TTC38: variants seen among roughly 807,000 people sequenced by gnomAD.
The protein encoded by TTC38 is tetratricopeptide repeat domain 38, also known as tetratricopeptide repeat protein 38.
In TTC38, 64 loss-of-function variants were observed where a neutral mutation model predicts 64.2. The observed-to-expected ratio is 1.00, with a 90% CI of 0.81 to 1.23. The LOEUF (loss-of-function observed/expected upper bound fraction) is 1.23, where lower values mean the gene tolerates loss of function less well. TTC38 is among the 50% of genes most tolerant of loss of function. The pLI, the probability that TTC38 is intolerant of heterozygous loss-of-function variation, is 0.00. For synonymous variants in TTC38, 254 were observed against 249.3 expected, an observed-to-expected ratio of 1.02 and a Z score of -0.18; for missense variants, 573 against 615.5, an observed-to-expected ratio of 0.93 and a Z score of 0.73.
chr22:46,268,588 C>G lies in TTC38; in HGVS notation c.108C>G (p.Thr36=), dbSNP rs1936816476. The G allele has an allele frequency of 6.2e-7, 1 of 1,613,792 alleles. No homozygotes were observed. The highest frequency in any genetic ancestry group is 1.3e-5 in the African/African-American group (1 of 74,946). ...GCAAGCTGTTCGATGCCACGCTGAC[C>G]CAGGTATGCCTGCCGAGAGAGGCCG... ...EACKLFDATL[T]QYVKWTNDKS... The change falls in exon 2 of 14, where the codon ACC becomes ACG. Residue 36 remains threonine (T), a synonymous_variant. Coordinates refer to ENST00000381031, the MANE Select transcript of TTC38 (RefSeq NM_017931.4).
At position 46,268,587 on chromosome 22, in the gene TTC38, C is replaced by T. The variant is rs1360869306; in HGVS notation, c.107C>T (p.Thr36Ile). ...TGCAAGCTGTTCGATGCCACGCTGA[C>T]CCAGGTATGCCTGCCGAGAGAGGCC... The part of the protein sequence containing the change: ...EACKLFDATL[T>I]QYVKWTNDKS... Residue 36 changes from threonine to isoleucine, a missense_variant, in exon 2 of 14, where the codon ACC becomes ATC. Thr to Ile is a moderately conservative substitution (Grantham distance 89, BLOSUM62 -1). Around this residue, in one of 3 missense-constraint regions of TTC38, gnomAD observed 134 missense variants for 126.5 expected, o/e 1.06. Coordinates refer to ENST00000381031, the MANE Select transcript of TTC38 (RefSeq NM_017931.4). 2 of 1,613,910 alleles carry T rather than the reference C, an allele frequency of 1.2e-6. No homozygotes were observed. Among genetic ancestry groups the T allele is most frequent in the East Asian group, 4.5e-5 (2 of 44,888 alleles).
At chr22:46,285,338 G>C (rs1392244920) in intron 9 of TTC38, 59 bp downstream of exon 9, 29 of 1,532,784 alleles carry the variant, frequency 1.9e-5, no homozygotes, top group Non-Finnish European at 2.5e-5. Flanking sequence ...GAGTCTCAAA[G>C]AGACCAGATT....
At position 46,292,163 on chromosome 22, in the gene TTC38, CTTCT is replaced by C. The variant is rs1374002073; in HGVS notation, c.1317-622_1317-619del. ...TTTGAGTGCTAATTCTTTCACGTCT[CTTCT>C]TTCTTCTTTCTTTTTAAATTTTTTT... On this transcript the variant is annotated intron_variant, in intron 13 of 13. Coordinates refer to ENST00000381031, the MANE Select transcript of TTC38 (RefSeq NM_017931.4). The surrounding 1 kb of genome is among the most constrained non-coding windows in gnomAD (Gnocchi z 6.5). 2.3e-6 allele frequency: 1 copy of C among 430,086 alleles called. No homozygotes were observed. The highest frequency in any genetic ancestry group is 4.6e-6 in the Non-Finnish European group (1 of 218,692). The allele number at this position is 430,086 out of a possible 1,614,324, so 26.6% of individuals were successfully genotyped here.
At chr22:46,279,415 C>T (rs1601874648) in intron 6 of TTC38, among the ~76,000 whole-genome samples, 1 of 152,310 alleles carries the variant, frequency 6.6e-6, no homozygotes, top group East Asian at 1.9e-4. Context: ...TCCTTGTTGC[C>T]CAGATGAGGG....
rs1854837517 is a variant in TTC38 at position 46,270,817 on chromosome 22, G to A, written c.112-1518G>A. Among the ~76,000 whole-genome samples, 2 of 151,958 alleles carry A rather than the reference G, an allele frequency of 1.3e-5. 1 individual carries two copies. The highest frequency in any genetic ancestry group is 4.2e-4 in the South Asian group (2 of 4,814). ...CCACTGCCTTCCAGCCTGGGTGACA[G>A]GGCAAGACTCCATCTCAAAAAAGAA... On this transcript the variant is annotated intron_variant, in intron 2 of 13. Coordinates refer to ENST00000381031, the MANE Select transcript of TTC38 (RefSeq NM_017931.4). This position sits in a 1 kb window ranked among gnomAD's most constrained non-coding sequence, Gnocchi z 4.7.
rs1018668954 is a variant in TTC38, at chr22:46,282,142, G to A, written c.735+424G>A. ...GGCAACCTCTGAGTTGGCTACTGAA[G>A]GATGAGCAGGTGTGTGCCACACAGA... On this transcript the variant is annotated intron_variant, in intron 7 of 13. Transcript: ENST00000381031. This position sits in a 1 kb window ranked among gnomAD's most constrained non-coding sequence, Gnocchi z 4.4. The A allele has an allele frequency of 2.4e-5, 9 of 376,166 alleles. No individual in the cohort carries two copies. Among genetic ancestry groups the A allele is most frequent in the South Asian group, 1.8e-4 (9 of 50,638 alleles). The allele number at this position is 376,166 out of a possible 1,614,324, so 23.3% of individuals were successfully genotyped here. A position where few individuals can be genotyped will look rare whatever the true frequency, so the allele number is the denominator to read the frequency against.
chr22:46,278,528 G>C (rs532118532), intron 5 of TTC38, 58 bp from the exon 6 acceptor site: 3 of 1,470,086 alleles, frequency 2.0e-6, no homozygotes, highest in Non-Finnish European at 2.9e-6. Context: ...CGGGGACACA[G>C]TTCAACCTGC....
rs536064675 is a variant in TTC38 at position 46,274,810 on chromosome 22, C to A, written c.366-438C>A. On this transcript the variant is annotated intron_variant, in intron 4 of 13. Transcript: ENST00000381031. This position sits in a 1 kb window ranked among gnomAD's most constrained non-coding sequence, Gnocchi z 4.8. ...TTTCAGTTTGTTTTCTGATTCACAA[C>A]CTAACATAGAAAGTGATTTTTTTAC... 6.6e-6 allele frequency among the ~76,000 whole-genome samples: 1 copy of A among 151,962 alleles called. No individual in the cohort carries two copies. The highest frequency in any genetic ancestry group is 1.9e-4 in the East Asian group (1 of 5,178).
At chr22:46,288,367 C>G in intron 10 of TTC38, 56 bp from the exon 11 acceptor site, 1 of 1,550,796 alleles carries the variant, frequency 6.4e-7, no homozygotes, top group Admixed American at 1.8e-5. Context: ...GGCCCTTGCA[C>G]GGGACATGCC....
chr22:46,275,520 G>C lies in TTC38; in HGVS notation c.539+99G>C. On this transcript the variant is annotated intron_variant, in intron 5 of 13. Coordinates refer to ENST00000381031, the MANE Select transcript of TTC38 (RefSeq NM_017931.4). The surrounding 1 kb of genome is among the most constrained non-coding windows in gnomAD (Gnocchi z 4.5). The stretch of plus-strand genomic sequence containing the variant: ...TCTTGGCCCTGTCCTAAAAATAATG[G>C]GACCACTGTTGCTATTCTCCTAGTT... 8.2e-7 allele frequency: 1 copy of C among 1,218,016 alleles called. No homozygotes were observed. Among genetic ancestry groups the C allele is most frequent in the Non-Finnish European group, 1.1e-6 (1 of 871,012 alleles). 75.5% of individuals were successfully genotyped at this position (1,218,016 alleles called of 1,614,324 possible).
intron 11 of TTC38, among the ~76,000 whole-genome samples, chr22:46,288,917 C>G (rs559611084): frequency 6.6e-6 from 1 of 152,348 alleles, no homozygotes; most frequent in African/African-American, 2.4e-5. Flanking sequence ...GAGACACCTG[C>G]TGCTTACAGG....
At chr22:46,280,087 C>A (rs1263143194) in intron 6 of TTC38, 1 of 470,392 alleles carries the variant, frequency 2.1e-6, no homozygotes, top group East Asian at 6.9e-5. Flanking sequence ...TCTTTGTCTT[C>A]AACACCAGCA....
chr22:46,276,457 C>T lies in TTC38; in HGVS notation c.539+1036C>T, dbSNP rs183616977. Among the ~76,000 whole-genome samples the T allele has an allele frequency of 2.5e-3, 385 of 152,148 alleles. 1 individual carries two copies. Among genetic ancestry groups the T allele is most frequent in the African/African-American group, 8.6e-3 (358 of 41,462 alleles). On this transcript the variant is annotated intron_variant, in intron 5 of 13. Transcript: ENST00000381031. The surrounding 1 kb of genome is among the most constrained non-coding windows in gnomAD (Gnocchi z 4.7). ...ATCCCAGCTGTTTGGGAAGCTGAGG[C>T]GGTAGGATTGCTTGAGCCCAGGAGT... is the stretch of plus-strand genomic sequence containing the variant.
At position 46,282,498 on chromosome 22, in the gene TTC38, G is replaced by A. The variant is rs1033500252; in HGVS notation, c.735+780G>A. 5.9e-5 allele frequency among the ~76,000 whole-genome samples: 9 copies of A among 152,338 alleles called. No individual in the cohort carries two copies. Among genetic ancestry groups the A allele is most frequent in the Non-Finnish European group, 1.2e-4 (8 of 68,024 alleles). On this transcript the variant is annotated intron_variant, in intron 7 of 13. Transcript: ENST00000381031. This position sits in a 1 kb window ranked among gnomAD's most constrained non-coding sequence, Gnocchi z 4.4. The stretch of plus-strand genomic sequence containing the variant: ...GCCTCCCCTGGGACAGGGACACAGC[G>A]TCGCTCACTCAGCGTTTACTGAATA...
At chr22:46,286,989 C>A in intron 9 of TTC38, 84 bp from the exon 10 acceptor site, 3 of 1,130,666 alleles carry the variant, frequency 2.7e-6, no homozygotes, top group South Asian at 1.4e-5. Flanking sequence ...CCCCACCCCA[C>A]CTGGACAGGC....
In TTC38 at chr22:46,275,002, T is replaced by C. The variant is rs1345439644; in HGVS notation, c.366-246T>C. 1.3e-5 allele frequency among the ~76,000 whole-genome samples: 2 copies of C among 152,110 alleles called. No homozygotes were observed. Among genetic ancestry groups the C allele is most frequent in the Non-Finnish European group, 2.9e-5 (2 of 68,020 alleles). ...CACACCCTGCTCATTTTTGTATTTT[T>C]AGTAGAGATGGGGTTTCACCATCTT... On this transcript the variant is annotated intron_variant, in intron 4 of 13. Transcript: ENST00000381031. The surrounding 1 kb of genome is among the most constrained non-coding windows in gnomAD (Gnocchi z 4.5).
Position 46,268,180 on chromosome 22 carries a change from T to G in TTC38, c.33+108T>G, listed in dbSNP as rs369599373. Reference sequence around the variant, plus strand: ...CATGGCCCGGGCGCGGGGCGTGGGGTGAGCCCTGGGCGCACGGGCGCGTCC... The same window carrying G: ...CATGGCCCGGGCGCGGGGCGTGGGGGGAGCCCTGGGCGCACGGGCGCGTCC... On this transcript the variant is annotated intron_variant, in intron 1 of 13. Coordinates refer to ENST00000381031, the MANE Select transcript of TTC38 (RefSeq NM_017931.4). The G allele has an allele frequency of 2.0e-4, 264 of 1,304,222 alleles. 1 individual carries two copies. The African/African-American group carries it at 3.6e-3, about 18-fold the overall frequency. 80.8% of individuals were successfully genotyped at this position (1,304,222 alleles called of 1,614,324 possible).
Position 46,273,962 on chromosome 22 carries a change from C to A in TTC38, c.258C>A (p.Asp86Glu). ...LIGTGSSVKL[D>E]KELDLAVKTM... The stretch of plus-strand genomic sequence containing the variant: ...GCACTGGAAGCTCCGTGAAGCTGGA[C>A]AAAGAGCTGGACCTGGCTGTGAAGA... The change falls in exon 4 of 14, where the codon GAC becomes GAA. Residue 86 changes from aspartate (D) to glutamate (E), a missense_variant. Asp to Glu is a conservative substitution (Grantham distance 45). Coordinates refer to ENST00000381031, the MANE Select transcript of TTC38 (RefSeq NM_017931.4). This position sits in a 1 kb window ranked among gnomAD's most constrained non-coding sequence, Gnocchi z 5.1. 6.2e-7 allele frequency: 1 copy of A among 1,614,228 alleles called. No individual in the cohort carries two copies. Among genetic ancestry groups the A allele is most frequent in the East Asian group, 2.2e-5 (1 of 44,886 alleles).
Position 46,292,170 on chromosome 22 carries a change from CTTCT to C in TTC38, c.1317-614_1317-611del, listed in dbSNP as rs932554064. 1.6e-5 allele frequency: 7 copies of C among 435,714 alleles called. No homozygotes were observed. Among genetic ancestry groups the C allele is most frequent in the African/African-American group, 4.1e-5 (2 of 48,696 alleles). The allele number at this position is 435,714 out of a possible 1,614,324, so 27.0% of individuals were successfully genotyped here. The stretch of plus-strand genomic sequence containing the variant: ...GCTAATTCTTTCACGTCTCTTCTTT[CTTCT>C]TTCTTTTTAAATTTTTTTATATTTT... On this transcript the variant is annotated intron_variant, in intron 13 of 13. Transcript: ENST00000381031. This position sits in a 1 kb window ranked among gnomAD's most constrained non-coding sequence, Gnocchi z 6.5.
Sources: gnomAD v4.1 joint callset for allele counts (sites outside exome capture counted in the v4.1 genomes callset) on GRCh38, gnomAD v4.1.1 for gene constraint, gnomAD v4.1.1 regional missense constraint, Gnocchi (gnomAD v3.1) non-coding constraint, MANE v1.5 for transcripts, NCBI Gene and HGNC (gene_info 2026-07-23, HGNC 2026-07-21) for gene names.